Variants in LAMA1 observed in about 807,000 individuals in gnomAD.
The protein encoded by LAMA1 is laminin subunit alpha 1.
A neutral mutation model predicts 348.7 loss-of-function variants in LAMA1; 219 were observed. That is an observed-to-expected ratio of 0.63 (90% CI 0.56 to 0.70). LAMA1 has a LOEUF of 0.70. Among genes scored for constraint, LAMA1 ranks in the 30% least tolerant of loss-of-function variants. LAMA1 has a pLI of 0.00. For missense variants in LAMA1, 3,744 were observed against 3,888.0 expected (o/e 0.96, Z 0.99); for synonymous variants, 1,487 against 1,491.0 (o/e 1.00, Z 0.06).
At chr18:7,036,116 G>A (rs200854287) in intron 12 of LAMA1, 28 bp from the exon 13 acceptor site, 466 of 1,475,824 alleles carry the variant, frequency 3.2e-4, no homozygotes, top group Non-Finnish European at 4.1e-4. Context: ...GAATGAACAC[G>A]AAAGGGGAAG....
intron 7 of LAMA1, among the ~76,000 whole-genome samples, chr18:7,043,944 A>G (rs1394993188): frequency 1.3e-5 from 2 of 152,134 alleles, no homozygotes; most frequent in Admixed American, 1.3e-4. Flanking sequence ...TCACGAGGTC[A>G]AGAGATGGAG....
rs200500057 is a variant in LAMA1, at chr18:7,042,193, G to C, written c.1213C>G (p.Leu405Val). 9 of 1,612,848 alleles carry C rather than the reference G, an allele frequency of 5.6e-6. No homozygotes were observed. Among genetic ancestry groups the C allele is most frequent in the African/African-American group, 2.7e-5 (2 of 75,040 alleles). Residue 405 changes from leucine to valine, a missense_variant, in exon 9 of 63, where the codon CTC (leucine) becomes GTC (valine). Leu to Val is a conservative substitution (Grantham distance 32). This residue lies in a region of LAMA1 where 1,529 missense variants were observed against 1,689.4 expected (regional missense o/e 0.91). Coordinates refer to ENST00000389658, the MANE Select transcript of LAMA1 (RefSeq NM_005559.4). ...RPCNCDPVGS[L>V]SSVCIKDDLH... is the part of the protein sequence containing the mutation. ...TCATCCTTAATACAGACAGAACTGA[G>C]GGACCCCACAGGGTCACAATTACAG... is the stretch of plus-strand genomic sequence containing the variant.
At chr18:6,985,813 C>T (rs1600373100) in intron 37 of LAMA1, among the ~76,000 whole-genome samples, 170 bp from the exon 38 acceptor site, 2 of 152,142 alleles carry the variant, frequency 1.3e-5, no homozygotes. Context: ...GGCTGGAGTG[C>T]GGTGGCATGA....
Position 7,011,332 on chromosome 18 carries a change from A to T in LAMA1, c.3655T>A (p.Trp1219Arg), listed in dbSNP as rs1360720177. 6.2e-7 allele frequency: 1 copy of T among 1,612,446 alleles called. No individual in the cohort carries two copies. Among genetic ancestry groups the T allele is most frequent in the East Asian group, 2.2e-5 (1 of 44,848 alleles). The change falls in exon 25 of 63, where the codon TGG (tryptophan) becomes AGG (arginine). Residue 1219 changes from tryptophan to arginine, a missense_variant. Transcript: ENST00000389658. Reference protein sequence around the residue: ...RQHIRAEPFYWRLPQQFQGDQ... With the variant: ...RQHIRAEPFYRRLPQQFQGDQ... ...CCTTGGAACTGCTGCGGCAGCCGCC[A>T]GTAAAACGGCTCTGCACGGATGTGC...
rs1555654397 is a variant in LAMA1, at chr18:7,021,852, T to TAA, written c.2701+1311_2701+1312insTT. 1.4e-3 allele frequency among the ~76,000 whole-genome samples: 84 copies of TAA among 62,100 alleles called. 1 individual carries two copies. The highest frequency in any genetic ancestry group is 0.02 in the Middle Eastern group (2 of 102). The allele number at this position is 62,100 out of a possible 152,430, so 40.7% of individuals were successfully genotyped here. On this transcript the variant is annotated intron_variant, in intron 19 of 62. Transcript: ENST00000389658. ...TAATATAATAATATATTATATTATA[T>TAA]TATATATATTATATATTAGAAAATA... is the stretch of plus-strand genomic sequence containing the variant.
chr18:7,116,101 C>G (rs544712843), intron 1 of LAMA1, among the ~76,000 whole-genome samples: 2 of 152,304 alleles, frequency 1.3e-5, no homozygotes, highest in African/African-American at 4.8e-5. Context: ...GGAGGTTTTC[C>G]GCAGCATCTC....
chr18:7,012,508 A>G (rs2057865922), intron 23 of LAMA1, among the ~76,000 whole-genome samples: 1 of 146,964 alleles, frequency 6.8e-6, no homozygotes, highest in Non-Finnish European at 1.5e-5. Flanking sequence ...TATTATTATT[A>G]TTATTATTAT....
intron 33 of LAMA1, among the ~76,000 whole-genome samples, chr18:6,997,306 C>T (rs1471259909): frequency 1.3e-5 from 2 of 152,200 alleles, no homozygotes; most frequent in Admixed American, 6.5e-5. Flanking sequence ...TCGTGATCCA[C>T]CCGCCTTGGC....
At chr18:7,065,925 G>A (rs140741478) in intron 3 of LAMA1, among the ~76,000 whole-genome samples, 251 of 152,254 alleles carry the variant, frequency 1.6e-3, no homozygotes, top group African/African-American at 5.6e-3. Flanking sequence ...CTAAGTGCCT[G>A]CATACAAATT....
At chr18:7,013,702 G>T in intron 23 of LAMA1, 113 bp downstream of exon 23, 1 of 919,040 alleles carries the variant, frequency 1.1e-6, no homozygotes, top group Non-Finnish European at 1.8e-6. Context: ...AAGGGAGTGT[G>T]AACTCACTAG....
At position 7,016,541 on chromosome 18, in the gene LAMA1, C is replaced by T; in HGVS notation, c.2939G>A (p.Cys980Tyr). 6.2e-7 allele frequency: 1 copy of T among 1,614,206 alleles called. No individual in the cohort carries two copies. Among genetic ancestry groups the T allele is most frequent in the Non-Finnish European group, 8.5e-7 (1 of 1,180,052 alleles). Residue 980 changes from cysteine to tyrosine, a missense_variant, in exon 21 of 63, where the codon TGT becomes TAT. By Grantham distance (194) the Cys-to-Tyr change is radical (BLOSUM62 -2). This residue lies in a region of LAMA1 where 1,529 missense variants were observed against 1,689.4 expected (regional missense o/e 0.91). Coordinates refer to ENST00000389658, the MANE Select transcript of LAMA1 (RefSeq NM_005559.4). Reference protein sequence around the residue: ...HCVPGVAGKRCDRCAHGFYAY... With the variant: ...HCVPGVAGKRYDRCAHGFYAY... ...GTAGAAGCCATGGGCACACCTGTCA[C>T]ACCTTTTCCCTGCCACACCTGGGAC...
intron 1 of LAMA1, among the ~76,000 whole-genome samples, chr18:7,088,971 C>G (rs140904187): frequency 4.2e-4 from 64 of 152,228 alleles, no homozygotes; most frequent in African/African-American, 1.4e-3. Flanking sequence ...CGCCACCGCA[C>G]TCCAGCCTGG....
chr18:7,027,083 A>C (rs2057947328), intron 16 of LAMA1, among the ~76,000 whole-genome samples: 1 of 152,212 alleles, frequency 6.6e-6, no homozygotes, highest in African/African-American at 2.4e-5. Context: ...AAGGAGACAC[A>C]ACAATAAAAT....
chr18:7,061,277 T>C (rs1341941040), intron 3 of LAMA1, among the ~76,000 whole-genome samples: 1 of 152,220 alleles, frequency 6.6e-6, no homozygotes, highest in African/African-American at 2.4e-5. Context: ...GTTGCTCAAG[T>C]TGACGAGGTG....
intron 56 of LAMA1, 135 bp from the exon 57 acceptor site, chr18:6,955,600 C>T (rs1184495900): frequency 4.2e-6 from 3 of 711,440 alleles, no homozygotes; most frequent in Non-Finnish European, 7.7e-6. Context: ...CCTGTTGGCG[C>T]TCACTCCATC....
intron 59 of LAMA1, 114 bp from the exon 60 acceptor site, chr18:6,948,670 C>A (rs1600339907): frequency 2.4e-6 from 3 of 1,225,552 alleles, no homozygotes; most frequent in Non-Finnish European, 3.5e-6. Context: ...AAAATGTAAT[C>A]TTTTTGTTTT....
rs1600378114 is a variant in LAMA1 at position 6,992,409 on chromosome 18, C to T, written c.5168+152G>A. 4 of 807,784 alleles carry T rather than the reference C, an allele frequency of 5.0e-6. No homozygotes were observed. The East Asian group carries it at 7.7e-5, about 16-fold the overall frequency. The allele number at this position is 807,784 out of a possible 1,614,324, so 50.0% of individuals were successfully genotyped here. A position where few individuals can be genotyped will look rare whatever the true frequency, so the allele number is the denominator to read the frequency against. ...TTGGAGGGGTCAGTACCCATCTCTT[C>T]ATTTACTTGACCACAGGGCCCCTTC... On this transcript the variant is annotated intron_variant, in intron 36 of 62. Transcript: ENST00000389658.
At chr18:7,113,706 T>C (rs1568074652) in intron 1 of LAMA1, among the ~76,000 whole-genome samples, 1 of 152,038 alleles carries the variant, frequency 6.6e-6, no homozygotes, top group Non-Finnish European at 1.5e-5. Flanking sequence ...GAGTGAACCA[T>C]CACACTATTT....
intron 6 of LAMA1, among the ~76,000 whole-genome samples, chr18:7,045,515 A>G (rs2058038297): frequency 6.6e-6 from 1 of 152,178 alleles, no homozygotes; most frequent in South Asian, 2.1e-4. Context: ...ATGTCATATT[A>G]TTCATTTAAT....
Sources: gnomAD v4.1 joint callset for allele counts (sites outside exome capture counted in the v4.1 genomes callset) on GRCh38, gnomAD v4.1.1 for gene constraint, gnomAD v4.1.1 regional missense constraint, MANE v1.5 for transcripts, NCBI Gene and HGNC (gene_info 2026-07-23, HGNC 2026-07-21) for gene names.